Variants in DUOX1 observed in about 807,000 individuals in gnomAD.
The protein encoded by DUOX1 is NADPH thyroid oxidase 1.
In DUOX1, 134 loss-of-function variants were observed where a neutral mutation model predicts 181.8. The ratio of observed to expected loss-of-function variants is 0.74; its 90% CI spans 0.64 to 0.85. The LOEUF is 0.85. DUOX1 is among the 40% of genes least tolerant of loss of function. DUOX1 has a pLI of 0.00. For missense variants in DUOX1, 1,814 were observed against 2,064.4 expected (o/e 0.88, Z 2.35); for synonymous variants, 798 against 832.5 (o/e 0.96, Z 0.71).
intron 18 of DUOX1, among the ~76,000 whole-genome samples, chr15:45,145,472 T>A (rs1382385615): frequency 6.6e-6 from 1 of 152,152 alleles, no homozygotes; most frequent in African/African-American, 2.4e-5. Flanking sequence ...GAGCCCTCCA[T>A]GGGGCATTGA....
chr15:45,152,181 G>T lies in DUOX1; in HGVS notation c.3194-105G>T, dbSNP rs996888100. ...GAGCCTGTCTGAGTGAAGACTGTGC[G>T]GGGGAGGCCTGTTGTGAGTGGCAGC... is the stretch of plus-strand genomic sequence containing the variant. On this transcript the variant is annotated intron_variant, in intron 24 of 33. Coordinates refer to ENST00000389037, the MANE Select transcript of DUOX1 (RefSeq NM_175940.3). 2.7e-6 allele frequency: 4 copies of T among 1,465,252 alleles called. No homozygotes were observed. The African/African-American group carries it at 5.6e-5, about 20-fold the overall frequency. 90.8% of individuals were successfully genotyped at this position (1,465,252 alleles called of 1,614,324 possible).
intron 9 of DUOX1, 43 bp downstream of exon 9, chr15:45,136,668 G>T (rs368973025): frequency 3.1e-6 from 5 of 1,596,726 alleles, no homozygotes; most frequent in Non-Finnish European, 3.4e-6. Flanking sequence ...GAGGGATGGG[G>T]CTGTCAACTG....
At chr15:45,164,076 C>A (rs1897171301) in intron 33 of DUOX1, among the ~76,000 whole-genome samples, 158 bp downstream of exon 33, 1 of 152,190 alleles carries the variant, frequency 6.6e-6, no homozygotes, top group African/African-American at 2.4e-5. Flanking sequence ...AGGTGGGTGT[C>A]ACCCTTAGGT....
intron 29 of DUOX1, 54 bp from the exon 30 acceptor site, chr15:45,161,684 C>A (rs1897106536): frequency 2.0e-6 from 3 of 1,530,104 alleles, no homozygotes; most frequent in African/African-American, 1.4e-5. Flanking sequence ...TCTCTGGAGG[C>A]CACATTGTTG....
chr15:45,135,645 A>G lies in DUOX1; in HGVS notation c.667A>G (p.Thr223Ala). 2.6e-6 allele frequency: 4 copies of G among 1,528,996 alleles called. No homozygotes were observed. Among genetic ancestry groups the G allele is most frequent in the Non-Finnish European group, 3.5e-6 (4 of 1,137,654 alleles). 94.7% of individuals were successfully genotyped at this position (1,528,996 alleles called of 1,614,324 possible). A position where few individuals can be genotyped will look rare whatever the true frequency, so the allele number is the denominator to read the frequency against. Reference sequence around the variant, plus strand: ...CATGTGGGCGGCGCCCGACCCCGCCACCGGGCAGAACGGGCCCCGGGGGCT... The same window carrying G: ...CATGTGGGCGGCGCCCGACCCCGCCGCCGGGCAGAACGGGCCCCGGGGGCT... ...LLMWAAPDPA[T>A]GQNGPRGLYA... The change falls in exon 6 of 34, where the codon ACC (threonine) becomes GCC (alanine). Residue 223 changes from threonine to alanine, a missense_variant. Around this residue, in one of 5 missense-constraint regions of DUOX1, gnomAD observed 320 missense variants for 313.1 expected, o/e 1.02. Coordinates refer to ENST00000389037, the MANE Select transcript of DUOX1 (RefSeq NM_175940.3).
intron 15 of DUOX1, among the ~76,000 whole-genome samples, chr15:45,142,693 C>A (rs2141268079): frequency 6.6e-6 from 1 of 151,772 alleles, no homozygotes; most frequent in Non-Finnish European, 1.5e-5. Flanking sequence ...CCATTGCACT[C>A]CAGCCTGGGC....
intron 27 of DUOX1, among the ~76,000 whole-genome samples, chr15:45,154,357 G>T (rs1896912980): frequency 6.6e-6 from 1 of 152,148 alleles, no homozygotes; most frequent in Admixed American, 6.5e-5. Context: ...GAGGAGTGCT[G>T]TGCCCCAGCT....
In DUOX1 at chr15:45,142,132, G is replaced by T. The variant is rs758471611; in HGVS notation, c.1822+20G>T. ...CTTTGGGTAAAATCATGGACAGAGT[G>T]GGGTGGGGTGAGAGATGCAAGCTAG... is the stretch of plus-strand genomic sequence containing the variant. On this transcript the variant is annotated intron_variant, in intron 15 of 33. Transcript: ENST00000389037. 4 of 1,607,962 alleles carry T rather than the reference G, an allele frequency of 2.5e-6. No homozygotes were observed. Among genetic ancestry groups the T allele is most frequent in the East Asian group, 2.2e-5 (1 of 44,826 alleles).
In DUOX1 at chr15:45,151,241, G is replaced by T; in HGVS notation, c.3007G>T (p.Gly1003Cys). The change falls in exon 23 of 34, where the codon GGC (glycine) becomes TGC (cysteine). Residue 1003 changes from glycine to cysteine, a missense_variant. Gly to Cys is a radical substitution (Grantham distance 159, BLOSUM62 -3). Coordinates refer to ENST00000389037, the MANE Select transcript of DUOX1 (RefSeq NM_175940.3). ...DPPQEIRRRFGKKVTSFQPLL... is the reference protein window; with the variant it reads ...DPPQEIRRRFCKKVTSFQPLL... ...TCCCCAGGAGATTCGGCGGAGGTTT[G>T]GCAAGAAGTATGTCTGCTCTTCCCC... The T allele has an allele frequency of 6.2e-7, 1 of 1,613,930 alleles. No homozygotes were observed. Among genetic ancestry groups the T allele is most frequent in the South Asian group, 1.1e-5 (1 of 91,038 alleles).
chr15:45,139,608 G>T lies in DUOX1; in HGVS notation c.1389+9G>T, dbSNP rs2271435. On this transcript the variant is annotated intron_variant, in intron 12 of 33. Transcript: ENST00000389037. Reference sequence around the variant, plus strand: ...CCCGGAGCAATGACACTGTGAGGAGGGGTCAGGACCCAGAGGGTAGGGCGG... The same window carrying T: ...CCCGGAGCAATGACACTGTGAGGAGTGGTCAGGACCCAGAGGGTAGGGCGG... 0.039 allele frequency: 60,270 copies of T among 1,559,582 alleles called. 4,747 individuals carry two copies. Among genetic ancestry groups the T allele is most frequent in the East Asian group, 0.38 (16,572 of 44,116 alleles).
intron 16 of DUOX1, 125 bp downstream of exon 16, chr15:45,143,428 T>TTC: frequency 1.4e-6 from 1 of 711,340 alleles, no homozygotes; most frequent in Non-Finnish European, 2.3e-6. Flanking sequence ...AAGGCCACAG[T>TTC]GGCATTAAGC....
Position 45,144,055 on chromosome 15 carries a change from C to T in DUOX1, c.1956C>T (p.His652=), listed in dbSNP as rs562962900. Residue 652 remains histidine, a synonymous_variant, in exon 17 of 34, where the codon CAC becomes CAT. Transcript: ENST00000389037. ...CCCTAGCTTTGGAATGGCAAGGCCACAAGGAGCCCTGCCGGCCCGTGCTTG... is the reference window on the plus strand; with the variant it reads ...CCCTAGCTTTGGAATGGCAAGGCCATAAGGAGCCCTGCCGGCCCGTGCTTG... The part of the protein sequence containing the change: ...GGMEALEWQG[H]KEPCRPVLVY... The T allele has an allele frequency of 6.2e-7, 1 of 1,614,032 alleles. No homozygotes were observed.
intron 30 of DUOX1, 92 bp downstream of exon 30, chr15:45,162,062 C>T (rs1897119027): frequency 6.8e-7 from 1 of 1,461,760 alleles, no homozygotes; most frequent in East Asian, 2.5e-5. Context: ...CTGTGCCTCC[C>T]CTCTCTGCAT....
At chr15:45,140,073 G>C in intron 12 of DUOX1, 1 of 1,370,662 alleles carries the variant, frequency 7.3e-7, no homozygotes, top group East Asian at 4.1e-5. Context: ...TCTCAAACCA[G>C]TAGCGGTCAC....
chr15:45,149,893 T>C (rs1322657063), intron 21 of DUOX1, among the ~76,000 whole-genome samples: 1 of 152,268 alleles, frequency 6.6e-6, no homozygotes, highest in African/African-American at 2.4e-5. Flanking sequence ...TGCTATTTGT[T>C]ACCATTTTAC....
At chr15:45,146,535 A>T (rs1896660508) in intron 18 of DUOX1, among the ~76,000 whole-genome samples, 1 of 152,190 alleles carries the variant, frequency 6.6e-6, no homozygotes, top group Admixed American at 6.5e-5. Context: ...AACATTTTCA[A>T]CACAACCACT....
chr15:45,145,308 C>T (rs1896623207), intron 18 of DUOX1, among the ~76,000 whole-genome samples: 1 of 152,226 alleles, frequency 6.6e-6, no homozygotes, highest in Non-Finnish European at 1.5e-5. Flanking sequence ...CAGGAATGGG[C>T]TTCTCTGCAT....
Position 45,139,597 on chromosome 15 carries a change from A to C in DUOX1, c.1387A>C (p.Thr463Pro), listed in dbSNP as rs779910858. 1.3e-6 allele frequency: 2 copies of C among 1,573,838 alleles called. No individual in the cohort carries two copies. The highest frequency in any genetic ancestry group is 1.7e-6 in the Non-Finnish European group (2 of 1,160,290). The part of the protein sequence containing the change: ...INPALSRSND[T>P]VLEATAALYN... ...CCCTGCACTCTCCCGGAGCAATGACACTGTGAGGAGGGGTCAGGACCCAGA... is the reference window on the plus strand; with the variant it reads ...CCCTGCACTCTCCCGGAGCAATGACCCTGTGAGGAGGGGTCAGGACCCAGA... The change falls in exon 12 of 34, where the codon ACT (threonine) becomes CCT (proline). Residue 463 changes from threonine (T) to proline (P), a missense_variant and splice_region_variant. Thr to Pro is a conservative substitution (Grantham distance 38). Transcript: ENST00000389037.
At chr15:45,159,623 A>C (rs570056489) in intron 28 of DUOX1, among the ~76,000 whole-genome samples, 2 of 152,304 alleles carry the variant, frequency 1.3e-5, no homozygotes, top group South Asian at 2.1e-4. Flanking sequence ...CAAACTTATT[A>C]GGGAAAGGAC....
Sources: gnomAD v4.1 joint callset for allele counts (sites outside exome capture counted in the v4.1 genomes callset) on GRCh38, gnomAD v4.1.1 for gene constraint, gnomAD v4.1.1 regional missense constraint, MANE v1.5 for transcripts, NCBI Gene and HGNC (gene_info 2026-07-23, HGNC 2026-07-21) for gene names.